The following PHLDB2 variants were observed in gnomAD, a reference collection of about 807,000 sequenced individuals.
PHLDB2 encodes pleckstrin homology-like domain family B member 2.
A neutral mutation model predicts 123.6 loss-of-function variants in PHLDB2; 71 were observed. The ratio of observed to expected loss-of-function variants is 0.57; its 90% CI spans 0.47 to 0.70. The LOEUF is 0.70. PHLDB2 is among the 30% of genes least tolerant of loss of function. The pLI, the probability that PHLDB2 is intolerant of heterozygous loss-of-function variation, is 0.00. For synonymous variants in PHLDB2, 547 were observed against 541.6 expected, an observed-to-expected ratio of 1.01 and a Z score of -0.14; for missense variants, 1,446 against 1,519.5, an observed-to-expected ratio of 0.95 and a Z score of 0.80.
intron 1 of PHLDB2, among the ~76,000 whole-genome samples, chr3:111,870,950 C>G (rs2065309882): frequency 6.6e-6 from 1 of 152,176 alleles, no homozygotes; most frequent in Admixed American, 6.5e-5. Context: ...ATGGCTCTTG[C>G]AGGGCATGAG....
At position 111,893,240 on chromosome 3, in the gene PHLDB2, T is replaced by C. The variant is rs551144124; in HGVS notation, c.1335+7828T>C. ...CTTAGTCATAGTATTAATCTTTTTT[T>C]TTTTTTTAGAAGAATGTCTTTGAAA... On this transcript the variant is annotated intron_variant, in intron 2 of 17. Transcript: ENST00000431670. 2.2e-4 allele frequency among the ~76,000 whole-genome samples: 34 copies of C among 152,260 alleles called. No homozygotes were observed. The East Asian group carries it at 5.8e-3, about 26-fold the overall frequency.
chr3:111,857,237 A>G (rs1234380444), upstream of PHLDB2, among the ~76,000 whole-genome samples: 2 of 152,120 alleles, frequency 1.3e-5, no homozygotes, highest in Non-Finnish European at 2.9e-5. Flanking sequence ...AGATCGCTTG[A>G]GCCCAGGAGT....
At chr3:111,862,512 A>G (rs988643443) in intron 1 of PHLDB2, among the ~76,000 whole-genome samples, 2 of 152,206 alleles carry the variant, frequency 1.3e-5, no homozygotes, top group African/African-American at 4.8e-5. Context: ...TATAGTGGGT[A>G]GAGGCCTGGG....
chr3:111,807,940 C>G (rs1329725069), intron 1 of PHLDB2, among the ~76,000 whole-genome samples: 1 of 105,566 alleles, frequency 9.5e-6, no homozygotes, highest in Non-Finnish European at 1.8e-5. Context: ...TATAAATAAG[C>G]TGGGTGTTTT....
At chr3:111,866,634 G>A (rs2065095671) in intron 1 of PHLDB2, among the ~76,000 whole-genome samples, 1 of 152,090 alleles carries the variant, frequency 6.6e-6, no homozygotes, top group African/African-American at 2.4e-5. Flanking sequence ...GTGGTTTCAG[G>A]GTCAAGAGAG....
intron 1 of PHLDB2, among the ~76,000 whole-genome samples, chr3:111,873,579 A>T (rs762237702): frequency 7.9e-5 from 12 of 152,174 alleles, no homozygotes; most frequent in Non-Finnish European, 1.5e-4. Context: ...TGTAGGAGTA[A>T]ATATTTAAAA....
At chr3:111,974,295 G>C (rs765846642) in intron 17 of PHLDB2, 128 bp from the exon 18 acceptor site, 142 of 889,986 alleles carry the variant, frequency 1.6e-4, no homozygotes, top group Non-Finnish European at 2.3e-4. Flanking sequence ...AGTTATAGTA[G>C]AGCAAAAGTA....
chr3:111,750,727 C>A (rs183045787), intron 1 of PHLDB2, among the ~76,000 whole-genome samples: 4 of 152,226 alleles, frequency 2.6e-5, no homozygotes, highest in Admixed American at 2.6e-4. Flanking sequence ...GGGCAGATCT[C>A]TTGAGGCCAA....
intron 2 of PHLDB2, among the ~76,000 whole-genome samples, chr3:111,849,520 G>A (rs1474815216): frequency 6.6e-6 from 1 of 152,090 alleles, no homozygotes; most frequent in African/African-American, 2.4e-5. Flanking sequence ...TACTAATACC[G>A]TAGGAATCAA....
intron 16 of PHLDB2, among the ~76,000 whole-genome samples, chr3:111,971,543 A>G (rs1212360275): frequency 6.6e-6 from 1 of 152,206 alleles, no homozygotes; most frequent in Non-Finnish European, 1.5e-5. Context: ...TTTAATATGT[A>G]TTTATGATAT....
At chr3:111,858,916 T>C (rs1365388478), upstream of PHLDB2, among the ~76,000 whole-genome samples, 1 of 152,186 alleles carries the variant, frequency 6.6e-6, no homozygotes, top group East Asian at 1.9e-4. Context: ...CAATAAAGCA[T>C]TGGCTGGTGG....
At chr3:111,957,969 T>C (rs1293335856) in intron 12 of PHLDB2, 1 of 152,252 alleles carries the variant, frequency 6.6e-6, no homozygotes, top group Non-Finnish European at 1.5e-5. Context: ...GGTTGATGAA[T>C]ATGTGTGAAA....
intron 8 of PHLDB2, among the ~76,000 whole-genome samples, chr3:111,943,670 A>G (rs2070071989): frequency 6.6e-6 from 1 of 152,238 alleles, no homozygotes; most frequent in South Asian, 2.1e-4. Context: ...CATCAAGGCA[A>G]TATGAATTAG....
At chr3:111,966,741 CGTG>C (rs1559927099) in intron 14 of PHLDB2, 38 bp downstream of exon 14, 1 of 1,557,212 alleles carries the variant, frequency 6.4e-7, no homozygotes, top group Non-Finnish European at 8.8e-7. Flanking sequence ...TCTGTGATAC[CGTG>C]GTGCAGGAGC....
chr3:111,932,140 G>A (rs1376423866), intron 5 of PHLDB2, 129 bp from the exon 6 acceptor site: 6 of 1,015,258 alleles, frequency 5.9e-6, no homozygotes, highest in Non-Finnish European at 7.0e-6. Flanking sequence ...AACAAGATAC[G>A]TTTCTACATT....
At chr3:111,781,700 G>T (rs1239860456) in intron 1 of PHLDB2, among the ~76,000 whole-genome samples, 1 of 152,078 alleles carries the variant, frequency 6.6e-6, no homozygotes, top group Non-Finnish European at 1.5e-5. Flanking sequence ...TTAAAAGCAA[G>T]AATTTTCTTC....
At chr3:111,762,087 A>G (rs1247616685) in intron 1 of PHLDB2, among the ~76,000 whole-genome samples, 1 of 152,178 alleles carries the variant, frequency 6.6e-6, no homozygotes, top group Non-Finnish European at 1.5e-5. Flanking sequence ...GAACCAGACC[A>G]GCGTCTTAGC....
At chr3:111,949,230 C>A (rs2070537029) in intron 10 of PHLDB2, among the ~76,000 whole-genome samples, 155 bp downstream of exon 10, 1 of 152,072 alleles carries the variant, frequency 6.6e-6, no homozygotes, top group African/African-American at 2.4e-5. Context: ...TAAAGTATAC[C>A]AATTTGGGGG....
At chr3:111,830,955 G>GAGAA (rs1174297730) in intron 1 of PHLDB2, among the ~76,000 whole-genome samples, 197 of 63,662 alleles carry the variant, frequency 3.1e-3, no homozygotes, top group Admixed American at 9.0e-3. Context: ...AAGAAAGAAA[G>GAGAA]AGAAAGAAAG....
Sources: allele counts gnomAD v4.1 joint callset (sites outside exome capture counted in the v4.1 genomes callset), GRCh38; gene constraint gnomAD v4.1.1; transcripts MANE v1.5; gene names NCBI Gene and HGNC (gene_info 2026-07-23, HGNC 2026-07-21).